The following AHRR variants were observed in gnomAD, a reference collection of about 807,000 sequenced individuals.
The protein encoded by AHRR is aryl hydrocarbon receptor repressor.
In AHRR, 28 loss-of-function variants were observed where a neutral mutation model predicts 44.0. The observed-to-expected ratio is 0.64, with a 90% CI of 0.47 to 0.87. AHRR has a LOEUF of 0.87. Ranked by LOEUF, AHRR falls within the 40% of genes least tolerant of loss-of-function variation. The probability of loss-of-function intolerance (pLI) is 0.00; values close to 1 mark genes in which losing one functional copy is unlikely to be tolerated. For missense variants in AHRR, 990 were observed against 953.9 expected, an observed-to-expected ratio of 1.04 and a Z score of -0.50; for synonymous variants, 434 against 407.0, an observed-to-expected ratio of 1.07 and a Z score of -0.80.
chr5:428,132 C>G (rs1224057697), intron 8 of AHRR, 126 bp downstream of exon 8: 4 of 1,132,332 alleles, frequency 3.5e-6, no homozygotes, highest in East Asian at 5.2e-5. Context: ...AGTTTCGTGT[C>G]GTAAAAGTCA....
chr5:347,381 TCTTTA>T (rs1742714375), intron 2 of AHRR, among the ~76,000 whole-genome samples: 2 of 152,258 alleles, frequency 1.3e-5, no homozygotes, highest in African/African-American at 2.4e-5. Flanking sequence ...AATTTGTCGA[TCTTTA>T]CTTTTGTGGC....
Position 343,946 on chromosome 5 carries a change from G to A in AHRR, c.44G>A (p.Arg15Lys), listed in dbSNP as rs937176523. The A allele has an allele frequency of 1.1e-5, 17 of 1,600,392 alleles. No individual in the cohort carries two copies. The African/African-American group carries it at 1.5e-4, about 14-fold the overall frequency. The change falls in exon 2 of 11, where the codon AGG (arginine) becomes AAG (lysine). Residue 15 changes from arginine (R) to lysine (K), a missense_variant. By Grantham distance (26) the Arg-to-Lys change is conservative (BLOSUM62 2). Coordinates refer to ENST00000684583, the MANE Select transcript of AHRR (RefSeq NM_001377236.1). ...TGCACGTACGCGGGCCGGAAGCGGAGGAGGCCCCTGCAGAAACAGTAAAGT... is the reference window on the plus strand; with the variant it reads ...TGCACGTACGCGGGCCGGAAGCGGAAGAGGCCCCTGCAGAAACAGTAAAGT... ...GECTYAGRKR[R>K]RPLQKQRPAV... is the part of the protein sequence containing the mutation.
At chr5:396,394 G>A (rs1579663387) in intron 4 of AHRR, among the ~76,000 whole-genome samples, 1 of 152,168 alleles carries the variant, frequency 6.6e-6, no homozygotes, top group Admixed American at 6.5e-5. Flanking sequence ...CTGTGTGTCT[G>A]GGGGTACTGA....
chr5:415,666 A>AGTCTGCCTGGTCGGGCGGG (rs1560916417), intron 5 of AHRR, among the ~76,000 whole-genome samples: 2 of 135,206 alleles, frequency 1.5e-5, no homozygotes, highest in East Asian at 2.0e-4. Context: ...CTAGGGGCCG[A>AGTCTGCCTGGTCGGGCGGG]ATCTGCCTGG....
chr5:396,615 G>A (rs976697849), intron 4 of AHRR, among the ~76,000 whole-genome samples: 8 of 152,200 alleles, frequency 5.3e-5, no homozygotes, highest in Non-Finnish European at 8.8e-5. Context: ...GTAGCTGCTG[G>A]GCCTGCTGTT....
At chr5:421,250 A>G in intron 5 of AHRR, 1 of 696,426 alleles carries the variant, frequency 1.4e-6, no homozygotes, top group South Asian at 1.5e-5. Flanking sequence ...CGGTTCAGCC[A>G]CGGAGCGGAT....
chr5:355,058 C>G (rs768056312), intron 3 of AHRR, among the ~76,000 whole-genome samples: 4 of 152,228 alleles, frequency 2.6e-5, no homozygotes, highest in Non-Finnish European at 4.4e-5. Flanking sequence ...GAGGTCACAG[C>G]AAGTTTTAGT....
intron 3 of AHRR, among the ~76,000 whole-genome samples, chr5:354,333 G>A (rs745655961): frequency 2.6e-5 from 4 of 152,252 alleles, no homozygotes; most frequent in Non-Finnish European, 5.9e-5. Flanking sequence ...GCAGGGCTGG[G>A]CATGGTCAGG....
intron 4 of AHRR, among the ~76,000 whole-genome samples, chr5:408,454 C>T (rs543790432): frequency 1.3e-5 from 2 of 151,536 alleles, no homozygotes; most frequent in East Asian, 3.9e-4. Context: ...TAATCATTTT[C>T]CCCCTCAGAT....
At chr5:343,478 G>A (rs1243253538) in intron 1 of AHRR, 2 of 223,568 alleles carry the variant, frequency 8.9e-6, no homozygotes, top group African/African-American at 2.4e-5. Flanking sequence ...GGGGTGACGG[G>A]AACACGGGAT....
At position 434,279 on chromosome 5, in the gene AHRR, A is replaced by G. The variant is rs755294063; in HGVS notation, c.1539A>G (p.Gln513=). The change falls in exon 11 of 11, where the codon CAA becomes CAG. Residue 513 remains glutamine (Q), a synonymous_variant. Transcript: ENST00000684583. ...RGYPMEDMKL[Q]GVPMPPGDLC... is the part of the protein sequence containing the mutation. ...ATCCCATGGAGGACATGAAGCTGCAAGGTGTACCGATGCCTCCGGGGGACC... is the reference window on the plus strand; with the variant it reads ...ATCCCATGGAGGACATGAAGCTGCAGGGTGTACCGATGCCTCCGGGGGACC... 14 of 1,606,168 alleles carry G rather than the reference A, an allele frequency of 8.7e-6. No individual in the cohort carries two copies. The highest frequency in any genetic ancestry group is 1.7e-5 in the Admixed American group (1 of 59,458).
chr5:427,064 T>A (rs1234753183), intron 7 of AHRR, among the ~76,000 whole-genome samples: 3 of 150,532 alleles, frequency 2.0e-5, no homozygotes, highest in African/African-American at 4.9e-5. Flanking sequence ...GATGGATGGG[T>A]GGATGGATGG....
At chr5:365,824 C>A (rs1743341782) in intron 3 of AHRR, among the ~76,000 whole-genome samples, 1 of 151,914 alleles carries the variant, frequency 6.6e-6, no homozygotes. Flanking sequence ...AAATAGAAAA[C>A]CTGAATGTCG....
chr5:428,497 C>T (rs1736573062), intron 8 of AHRR, among the ~76,000 whole-genome samples: 1 of 152,212 alleles, frequency 6.6e-6, no homozygotes, highest in Admixed American at 6.5e-5. Flanking sequence ...CAGGCCTACC[C>T]ACAGCTCCCT....
intron 5 of AHRR, among the ~76,000 whole-genome samples, chr5:416,003 G>A (rs56279338): frequency 0.23 from 35,157 of 152,230 alleles, 5,337 homozygotes; most frequent in Non-Finnish European, 0.34. Context: ...CAAGGACCAC[G>A]TGACTGCCGG....
intron 7 of AHRR, among the ~76,000 whole-genome samples, chr5:425,608 C>T (rs2126538075): frequency 6.6e-6 from 1 of 152,268 alleles, no homozygotes; most frequent in South Asian, 2.1e-4. Flanking sequence ...ATTGTATAAC[C>T]AATTCCTGGT....
At chr5:427,641 G>C (rs774728565) in intron 7 of AHRR, 166 bp from the exon 8 acceptor site, 1 of 1,613,116 alleles carries the variant, frequency 6.2e-7, no homozygotes, top group Non-Finnish European at 8.5e-7. Context: ...CTGCAGGCCC[G>C]GGGGTCACAG....
chr5:422,294 C>T (rs1343183284), intron 5 of AHRR: 7 of 284,416 alleles, frequency 2.5e-5, no homozygotes, highest in Non-Finnish European at 4.1e-5. Flanking sequence ...CTGGCAGGTC[C>T]TTGAGGCATC....
Position 434,632 on chromosome 5 carries a change from C to T in AHRR, c.1892C>T (p.Pro631Leu). Residue 631 changes from proline (P) to leucine (L), a missense_variant, in exon 11 of 11, where the codon CCC (proline) becomes CTC (leucine). By Grantham distance (98) the Pro-to-Leu change is moderately conservative. Coordinates refer to ENST00000684583, the MANE Select transcript of AHRR (RefSeq NM_001377236.1). ...GACGGCCTTCCCCAGTCGGAGCCTC[C>T]CCACCAGCTCTGTGCACGGGGCCGA... ...PTDGLPQSEP[P>L]HQLCARGRGE... 1 of 1,562,294 alleles carries T rather than the reference C, an allele frequency of 6.4e-7. No homozygotes were observed. Among genetic ancestry groups the T allele is most frequent in the Non-Finnish European group, 8.7e-7 (1 of 1,153,356 alleles).
Sources: gnomAD v4.1 joint callset for allele counts (sites outside exome capture counted in the v4.1 genomes callset) on GRCh38, gnomAD v4.1.1 for gene constraint, MANE v1.5 for transcripts, NCBI Gene and HGNC (gene_info 2026-07-23, HGNC 2026-07-21) for gene names.